The following CDC42BPA variants were observed in gnomAD, a reference collection of about 807,000 sequenced individuals.
CDC42BPA encodes the protein serine/threonine-protein kinase MRCK alpha.
In CDC42BPA, 80 loss-of-function variants were observed where a neutral mutation model predicts 223.5. The ratio of observed to expected loss-of-function variants is 0.36; its 90% CI spans 0.30 to 0.43. The LOEUF (loss-of-function observed/expected upper bound fraction) is 0.43, where lower values mean the gene tolerates loss of function less well. Ranked by LOEUF, CDC42BPA falls within the 20% of genes least tolerant of loss-of-function variation. The pLI, the probability that CDC42BPA is intolerant of heterozygous loss-of-function variation, is 1.00. For missense variants in CDC42BPA, 1,743 were observed against 2,099.9 expected (o/e 0.83, Z 3.32); for synonymous variants, 694 against 718.6 (o/e 0.97, Z 0.55).
At chr1:227,175,032 T>C (rs886110501) in intron 5 of CDC42BPA, among the ~76,000 whole-genome samples, 21 of 148,982 alleles carry the variant, frequency 1.4e-4, no homozygotes, top group African/African-American at 5.5e-4. Context: ...TATTCTGCCA[T>C]TGATTTATTG....
chr1:227,221,932 T>C (rs1352292510), intron 2 of CDC42BPA, among the ~76,000 whole-genome samples: 2 of 151,776 alleles, frequency 1.3e-5, no homozygotes, highest in African/African-American at 4.8e-5. Context: ...AAAGAAATTA[T>C]TGCCAGCCAT....
chr1:227,080,843 G>A (rs150076677), intron 17 of CDC42BPA, 50 bp downstream of exon 17: 4 of 1,603,782 alleles, frequency 2.5e-6, no homozygotes, highest in Non-Finnish European at 3.4e-6. Context: ...ATACCAACTT[G>A]GCCACATACT....
At chr1:227,162,886 GTTTCCAAACATATA>G (rs1257451980) in intron 5 of CDC42BPA, among the ~76,000 whole-genome samples, 15 of 147,598 alleles carry the variant, frequency 1.0e-4, no homozygotes, top group African/African-American at 3.5e-4. Context: ...GTGTGTGTGT[GTTTCCAAACATATA>G]TGTGTGTGTA....
intron 5 of CDC42BPA, among the ~76,000 whole-genome samples, chr1:227,180,025 G>C (rs1667673922): frequency 6.6e-6 from 1 of 152,048 alleles, no homozygotes; most frequent in Non-Finnish European, 1.5e-5. Context: ...TGGCCAACAT[G>C]GTGAAACCTG....
At chr1:227,291,631 GATA>G (rs1689717234) in intron 1 of CDC42BPA, among the ~76,000 whole-genome samples, 2 of 152,228 alleles carry the variant, frequency 1.3e-5, no homozygotes, top group Admixed American at 1.3e-4. Context: ...TTGGATATTT[GATA>G]ATACTATAGA....
intron 27 of CDC42BPA, among the ~76,000 whole-genome samples, chr1:227,032,544 C>A (rs1033568662): frequency 6.6e-6 from 1 of 151,974 alleles, no homozygotes; most frequent in South Asian, 2.1e-4. Context: ...GAATTCCATT[C>A]TTCTCATCAA....
chr1:227,019,690 C>CAAT (rs1553300508), intron 32 of CDC42BPA, among the ~76,000 whole-genome samples: 1 of 151,546 alleles, frequency 6.6e-6, no homozygotes, highest in African/African-American at 2.4e-5. Context: ...AAAATATCAT[C>CAAT]AATCTCCTTG....
intron 5 of CDC42BPA, among the ~76,000 whole-genome samples, chr1:227,172,454 G>C (rs187383785): frequency 7.2e-5 from 11 of 152,128 alleles, no homozygotes; most frequent in Admixed American, 6.5e-4. Context: ...AGGAGAACAA[G>C]TAAAACAACC....
chr1:227,083,282 T>A lies in CDC42BPA; in HGVS notation c.2356-2265A>T, dbSNP rs180923720. 3.0e-3 allele frequency among the ~76,000 whole-genome samples: 453 copies of A among 151,964 alleles called. 11 individuals are homozygous for A. In the East Asian group the frequency reaches 0.048, roughly 16 times the overall value. The stretch of plus-strand genomic sequence containing the variant: ...CCTGACTACACTTTAGTCTAAAAAA[T>A]TTTTTTTTAACATATGCAGTCCTTT... On this transcript the variant is annotated intron_variant, in intron 16 of 36. Coordinates refer to ENST00000366766, the MANE Select transcript of CDC42BPA (RefSeq NM_001394014.1).
intron 5 of CDC42BPA, among the ~76,000 whole-genome samples, chr1:227,170,259 T>C (rs916844163): frequency 3.9e-5 from 6 of 152,120 alleles, no homozygotes; most frequent in African/African-American, 1.2e-4. Context: ...GCAGCCCACA[T>C]GGGAAGAACA....
intron 2 of CDC42BPA, among the ~76,000 whole-genome samples, chr1:227,246,906 A>G (rs1315646629): frequency 6.6e-6 from 1 of 152,194 alleles, no homozygotes; most frequent in East Asian, 1.9e-4. Context: ...CAGAATTCAA[A>G]ATAGCTATTT....
chr1:227,239,928 G>A (rs1271609698), intron 2 of CDC42BPA, among the ~76,000 whole-genome samples: 1 of 152,040 alleles, frequency 6.6e-6, no homozygotes, highest in East Asian at 1.9e-4. Flanking sequence ...AGTGCAGTAA[G>A]TCAAGACAAA....
intron 6 of CDC42BPA, 118 bp downstream of exon 6, chr1:227,160,425 T>C (rs11800062): frequency 0.13 from 94,125 of 740,104 alleles, 7,441 homozygotes; most frequent in African/African-American, 0.26. Context: ...GGCGCATAGA[T>C]AGACAAATGG....
intron 8 of CDC42BPA, among the ~76,000 whole-genome samples, chr1:227,144,134 A>G (rs997924765): frequency 1.4e-4 from 22 of 152,220 alleles, no homozygotes; most frequent in African/African-American, 5.1e-4. Flanking sequence ...TTCAGTGAAA[A>G]GTTATATAAC....
rs1343100180 is a variant in CDC42BPA at position 227,112,387 on chromosome 1, T to G, written c.1926A>C (p.Ala642=). ...EVHTEALAAE[A]SKDRKLREQS... is the part of the protein sequence containing the mutation. ...GTTCACGTAGCTTCCTGTCTTTAGA[T>G]GCTTCAGCAGCTAGAGCTTCTGTAT... Residue 642 remains alanine, a synonymous_variant, in exon 14 of 37, where the codon GCA becomes GCC. Coordinates refer to ENST00000366766, the MANE Select transcript of CDC42BPA (RefSeq NM_001394014.1). The G allele has an allele frequency of 6.2e-7, 1 of 1,607,014 alleles. No homozygotes were observed. Among genetic ancestry groups the G allele is most frequent in the South Asian group, 1.1e-5 (1 of 89,882 alleles).
In CDC42BPA at chr1:227,166,528, A is replaced by C. The variant is rs1352158855; in HGVS notation, c.600-5892T>G. ...TTTATCACCTCGAGCAAAAGAAAAC[A>C]TTTGACCAAGACTATAGCTTGGCCT... On this transcript the variant is annotated intron_variant, in intron 5 of 36. Coordinates refer to ENST00000366766, the MANE Select transcript of CDC42BPA (RefSeq NM_001394014.1). Among the ~76,000 whole-genome samples the C allele has an allele frequency of 2.0e-5, 3 of 152,204 alleles. No individual in the cohort carries two copies. In the South Asian group the frequency reaches 6.2e-4, roughly 32 times the overall value.
At chr1:227,105,445 T>C (rs1685759855) in intron 14 of CDC42BPA, among the ~76,000 whole-genome samples, 1 of 144,104 alleles carries the variant, frequency 6.9e-6, no homozygotes, top group Non-Finnish European at 1.5e-5. Flanking sequence ...CACTGCAGCC[T>C]CGACCTCAAG....
chr1:227,033,070 T>C (rs1256196106), intron 27 of CDC42BPA, among the ~76,000 whole-genome samples: 3 of 152,218 alleles, frequency 2.0e-5, no homozygotes, highest in African/African-American at 7.2e-5. Flanking sequence ...GTAGTATTTA[T>C]TTAAAAATTG....
At chr1:227,014,130 T>C (rs1229542756) in intron 34 of CDC42BPA, among the ~76,000 whole-genome samples, 2 of 151,820 alleles carry the variant, frequency 1.3e-5, no homozygotes, top group Non-Finnish European at 2.9e-5. Flanking sequence ...ATGTTCCTAA[T>C]GGGAAAAGGA....
Sources: gnomAD v4.1 joint callset for allele counts (sites outside exome capture counted in the v4.1 genomes callset) on GRCh38, gnomAD v4.1.1 for gene constraint, MANE v1.5 for transcripts, NCBI Gene and HGNC (gene_info 2026-07-23, HGNC 2026-07-21) for gene names.